TFDP1: variants seen among roughly 807,000 people sequenced by gnomAD.
TFDP1 encodes the protein transcription factor Dp-1.
TFDP1 carries 6 observed loss-of-function variants against 48.0 expected under a neutral mutation model. The ratio of observed to expected loss-of-function variants is 0.13; its 90% CI spans 0.07 to 0.25. The LOEUF is 0.25. Ranked by LOEUF, TFDP1 falls within the 10% of genes least tolerant of loss-of-function variation. The probability of loss-of-function intolerance (pLI) is 1.00; values close to 1 mark genes in which losing one functional copy is unlikely to be tolerated. For synonymous variants in TFDP1, 201 were observed against 211.6 expected, an observed-to-expected ratio of 0.95 and a Z score of 0.44; for missense variants, 335 against 543.0, an observed-to-expected ratio of 0.62 and a Z score of 3.81.
intron 2 of TFDP1, among the ~76,000 whole-genome samples, chr13:113,586,913 T>G (rs1399102446): frequency 6.6e-6 from 1 of 152,202 alleles, no homozygotes; most frequent in Non-Finnish European, 1.5e-5. Flanking sequence ...TGCTTGTCCG[T>G]ACCATGCCCT....
In TFDP1 at chr13:113,585,927, G is replaced by T. The variant is rs567488670; in HGVS notation, c.12+78G>T. 354 of 1,491,064 alleles carry T rather than the reference G, an allele frequency of 2.4e-4. 2 individuals are homozygous for T. The South Asian group carries it at 3.8e-3, about 16-fold the overall frequency. 92.4% of individuals were successfully genotyped at this position (1,491,064 alleles called of 1,614,324 possible). ...TTTGTAGTTCTCTGCCTTTATTTCA[G>T]AATGACAACACATAAGCTACAGTAG... On this transcript the variant is annotated intron_variant, in intron 2 of 11. Coordinates refer to ENST00000375370, the MANE Select transcript of TFDP1 (RefSeq NM_007111.5).
chr13:113,606,536 G>A (rs552021521), intron 2 of TFDP1, among the ~76,000 whole-genome samples: 3 of 152,080 alleles, frequency 2.0e-5, no homozygotes, highest in South Asian at 2.1e-4. Flanking sequence ...TCCAAATACC[G>A]TCCCAAGCAG....
In TFDP1 at chr13:113,641,322, C is replaced by T. The variant is rs1471317395; in HGVS notation, c.*1055C>T. Reference sequence around the variant, plus strand: ...CCATTAACTGCACAGTTGCTATTAGCTGCCTGTTCTAAAACGATAGTCTTT... The same window carrying T: ...CCATTAACTGCACAGTTGCTATTAGTTGCCTGTTCTAAAACGATAGTCTTT... On this transcript the variant is annotated 3_prime_UTR_variant, in exon 12 of 12. Coordinates refer to ENST00000375370, the MANE Select transcript of TFDP1 (RefSeq NM_007111.5). The T allele has an allele frequency of 6.6e-6, 1 of 152,094 alleles. No individual in the cohort carries two copies. The highest frequency in any genetic ancestry group is 1.5e-5 in the Non-Finnish European group (1 of 68,040). The allele number at this position is 152,094 out of a possible 1,614,324, so 9.4% of individuals were successfully genotyped here. A position where few individuals can be genotyped will look rare whatever the true frequency, so the allele number is the denominator to read the frequency against.
intron 2 of TFDP1, among the ~76,000 whole-genome samples, chr13:113,595,919 A>G (rs1387439459): frequency 6.6e-6 from 1 of 152,158 alleles, no homozygotes. Context: ...CGTCTCTACT[A>G]AAAATACAAA....
Position 113,627,590 on chromosome 13 carries a change from A to C in TFDP1, c.187-4033A>C, listed in dbSNP as rs190846274. ...TTAGAGTGTGTGAAATTAAGGTGCA[A>C]AAAGTGTGCACTTAGGGCAGAAGGG... On this transcript the variant is annotated intron_variant, in intron 4 of 11. Transcript: ENST00000375370. The surrounding 1 kb of genome is among the most constrained non-coding windows in gnomAD (Gnocchi z 4.1). Among the ~76,000 whole-genome samples the C allele has an allele frequency of 2.6e-5, 4 of 152,250 alleles. No individual in the cohort carries two copies. The highest frequency in any genetic ancestry group is 9.6e-5 in the African/African-American group (4 of 41,534).
chr13:113,592,382 C>G (rs946329395), intron 2 of TFDP1, among the ~76,000 whole-genome samples: 2 of 152,232 alleles, frequency 1.3e-5, no homozygotes, highest in African/African-American at 2.4e-5. Flanking sequence ...GTCTTGAACT[C>G]CCGACCTCAG....
intron 3 of TFDP1, among the ~76,000 whole-genome samples, chr13:113,615,206 C>T (rs1377595594): frequency 6.6e-6 from 1 of 152,182 alleles, no homozygotes; most frequent in Non-Finnish European, 1.5e-5. Flanking sequence ...TGATTGTTTC[C>T]TGAGAGCAAA....
chr13:113,611,669 C>CA (rs2048711879), intron 3 of TFDP1, among the ~76,000 whole-genome samples: 1 of 152,250 alleles, frequency 6.6e-6, no homozygotes. Context: ...TGTGTGTGCT[C>CA]ACCTGGTTAC....
At chr13:113,620,950 CT>C (rs1566662222) in intron 3 of TFDP1, among the ~76,000 whole-genome samples, 5 of 152,182 alleles carry the variant, frequency 3.3e-5, no homozygotes, top group Admixed American at 6.5e-5. Context: ...TCTTGGCCAA[CT>C]TAGGTTATTA....
chr13:113,601,149 C>T (rs755508917), intron 2 of TFDP1, among the ~76,000 whole-genome samples: 2 of 152,148 alleles, frequency 1.3e-5, no homozygotes, highest in African/African-American at 2.4e-5. Context: ...TGTTGGCCTC[C>T]GTAGCTGAGA....
intron 2 of TFDP1, among the ~76,000 whole-genome samples, chr13:113,603,405 C>G (rs1175654486): frequency 6.6e-6 from 1 of 152,242 alleles, no homozygotes; most frequent in Admixed American, 6.5e-5. Context: ...GCAAGTGCAG[C>G]TTCAGGTTGT....
intron 4 of TFDP1, among the ~76,000 whole-genome samples, chr13:113,626,822 A>G (rs1242444459): frequency 6.6e-6 from 1 of 152,318 alleles, no homozygotes; most frequent in East Asian, 1.9e-4. Context: ...TAAGTTGACT[A>G]GGAATTCTAA....
Position 113,611,068 on chromosome 13 carries a change from G to GGC in TFDP1, c.79+7_79+8dup, listed in dbSNP as rs1466456026. On this transcript the variant is annotated splice_region_variant and intron_variant, in intron 3 of 11. Coordinates refer to ENST00000375370, the MANE Select transcript of TFDP1 (RefSeq NM_007111.5). ...GAACCTTAGTCCCGGGAAAGGTAAG[G>GGC]GCACCTGTTCTGGACACACTCTTGT... The GGC allele has an allele frequency of 6.2e-7, 1 of 1,613,438 alleles. No individual in the cohort carries two copies. The highest frequency in any genetic ancestry group is 1.7e-5 in the Admixed American group (1 of 60,016).
In TFDP1 at chr13:113,641,103, T is replaced by A. The variant is rs1278985914; in HGVS notation, c.*836T>A. On this transcript the variant is annotated 3_prime_UTR_variant, in exon 12 of 12. Transcript: ENST00000375370. Reference sequence around the variant, plus strand: ...CTTATAAGTCTATCATTTAAAGACATGTACTGAAACAAATGTATTTGTTTC... The same window carrying A: ...CTTATAAGTCTATCATTTAAAGACAAGTACTGAAACAAATGTATTTGTTTC... 1 of 152,654 alleles carries A rather than the reference T, an allele frequency of 6.6e-6. No homozygotes were observed. Among genetic ancestry groups the A allele is most frequent in the East Asian group, 1.9e-4 (1 of 5,198 alleles). 9.5% of individuals were successfully genotyped at this position (152,654 alleles called of 1,614,324 possible). A position where few individuals can be genotyped will look rare whatever the true frequency, so the allele number is the denominator to read the frequency against.
chr13:113,618,636 T>C (rs1328270386), intron 3 of TFDP1, among the ~76,000 whole-genome samples: 3 of 152,202 alleles, frequency 2.0e-5, no homozygotes, highest in African/African-American at 7.2e-5. Context: ...GAATGACCAC[T>C]TGGGGAGCTG....
intron 3 of TFDP1, among the ~76,000 whole-genome samples, chr13:113,617,746 T>C (rs2048899038): frequency 6.6e-6 from 1 of 152,184 alleles, no homozygotes; most frequent in South Asian, 2.1e-4. Context: ...ATCTCCAGCA[T>C]GGTGGGCAAA....
intron 7 of TFDP1, 156 bp from the exon 8 acceptor site, chr13:113,634,378 C>T (rs1566675988): frequency 2.2e-5 from 15 of 684,946 alleles, no homozygotes; most frequent in South Asian, 1.7e-4. Context: ...TCACCTATAT[C>T]TTGTAGCACC....
At position 113,623,428 on chromosome 13, in the gene TFDP1, G is replaced by A. The variant is rs1193179092; in HGVS notation, c.186+142G>A. On this transcript the variant is annotated intron_variant, in intron 4 of 11. Transcript: ENST00000375370. This position sits in a 1 kb window ranked among gnomAD's most constrained non-coding sequence, Gnocchi z 5.2. ...GGGCCTTTCCCTCATCAGGGAGCCC[G>A]TGGCCAGTGCTAGATTTTCCATAGC... 63 of 760,064 alleles carry A rather than the reference G, an allele frequency of 8.3e-5. No homozygotes were observed. Among genetic ancestry groups the A allele is most frequent in the South Asian group, 5.8e-4 (33 of 56,476 alleles). 47.1% of individuals were successfully genotyped at this position (760,064 alleles called of 1,614,324 possible).
chr13:113,619,498 A>AG (rs2048945293), intron 3 of TFDP1, among the ~76,000 whole-genome samples: 2 of 151,666 alleles, frequency 1.3e-5, no homozygotes, highest in South Asian at 4.2e-4. Context: ...AAAAAAAAAA[A>AG]AAGAAGAAGC....
Sources: allele counts gnomAD v4.1 joint callset (sites outside exome capture counted in the v4.1 genomes callset), GRCh38; gene constraint gnomAD v4.1.1; non-coding constraint Gnocchi (gnomAD v3.1); transcripts MANE v1.5; gene names NCBI Gene and HGNC (gene_info 2026-07-23, HGNC 2026-07-21).